SPAG16: variants seen among roughly 807,000 people sequenced by gnomAD.
SPAG16 encodes the protein sperm-associated antigen 16 protein.
A neutral mutation model predicts 80.4 loss-of-function variants in SPAG16; 86 were observed. The observed-to-expected ratio is 1.07, with a 90% CI of 0.90 to 1.28. SPAG16 has a LOEUF of 1.28. Among genes scored for constraint, SPAG16 ranks in the 50% most tolerant of loss-of-function variants. The pLI, the probability that SPAG16 is intolerant of heterozygous loss-of-function variation, is 0.00. For missense variants in SPAG16, 870 were observed against 765.3 expected (o/e 1.14, Z -1.61); for synonymous variants, 294 against 265.9 (o/e 1.11, Z -1.03).
At chr2:214,006,944 T>TC (rs893665649) in intron 12 of SPAG16, among the ~76,000 whole-genome samples, 9 of 151,908 alleles carry the variant, frequency 5.9e-5, no homozygotes, top group African/African-American at 7.3e-5. Flanking sequence ...AATTGCTCCT[T>TC]CCCCCCCACC....
intron 10 of SPAG16, among the ~76,000 whole-genome samples, chr2:213,523,551 T>A (rs2075769862): frequency 6.6e-6 from 1 of 152,162 alleles, no homozygotes; most frequent in African/African-American, 2.4e-5. Flanking sequence ...TAGAAAAATG[T>A]AGGAAAGTTT....
At chr2:214,030,491 G>C (rs2048352612) in intron 13 of SPAG16, among the ~76,000 whole-genome samples, 1 of 152,130 alleles carries the variant, frequency 6.6e-6, no homozygotes, top group African/African-American at 2.4e-5. Context: ...ATTGTAAATA[G>C]ATCTTGTCAA....
chr2:213,826,133 G>A (rs1285623529), intron 10 of SPAG16, among the ~76,000 whole-genome samples: 1 of 151,468 alleles, frequency 6.6e-6, no homozygotes, highest in Non-Finnish European at 1.5e-5. Context: ...TTATTTATTT[G>A]GGTCTTCTCT....
intron 12 of SPAG16, among the ~76,000 whole-genome samples, chr2:213,964,075 T>C (rs961174658): frequency 6.6e-6 from 1 of 152,152 alleles, no homozygotes; most frequent in Non-Finnish European, 1.5e-5. Flanking sequence ...ATAAAAATAT[T>C]GTGGCCAGAG....
At chr2:213,724,962 T>A (rs2066698160) in intron 10 of SPAG16, among the ~76,000 whole-genome samples, 1 of 152,030 alleles carries the variant, frequency 6.6e-6, no homozygotes, top group African/African-American at 2.4e-5. Flanking sequence ...TAGGCCAGTA[T>A]GCACACTCTC....
chr2:213,993,544 G>T (rs1483794990), intron 12 of SPAG16, among the ~76,000 whole-genome samples: 1 of 152,074 alleles, frequency 6.6e-6, no homozygotes, highest in Non-Finnish European at 1.5e-5. Context: ...CCTAGTTCTA[G>T]GTTCAGGCCA....
At chr2:214,270,711 C>T (rs962380351) in intron 15 of SPAG16, among the ~76,000 whole-genome samples, 8 of 152,046 alleles carry the variant, frequency 5.3e-5, no homozygotes, top group Non-Finnish European at 7.4e-5. Flanking sequence ...TGATTAGTCC[C>T]GTGGTTGTCT....
intron 11 of SPAG16, among the ~76,000 whole-genome samples, chr2:213,911,672 A>G (rs562107669): frequency 6.6e-6 from 1 of 152,286 alleles, no homozygotes; most frequent in East Asian, 1.9e-4. Context: ...ACTTAGTGAC[A>G]AACAAAAGGT....
intron 15 of SPAG16, among the ~76,000 whole-genome samples, chr2:214,361,070 G>A (rs1384509932): frequency 6.6e-6 from 1 of 151,774 alleles, no homozygotes; most frequent in Non-Finnish European, 1.5e-5. Context: ...GTGGAGAAGG[G>A]ATTCACAACT....
intron 9 of SPAG16, among the ~76,000 whole-genome samples, chr2:213,392,180 T>C (rs976107589): frequency 6.6e-5 from 10 of 152,244 alleles, no homozygotes; most frequent in African/African-American, 9.6e-5. Context: ...TATGCCATTG[T>C]GTTGTGTTAT....
In SPAG16 at chr2:214,208,492, A is replaced by T. The variant is rs150525967; in HGVS notation, c.1720+59226A>T. Among the ~76,000 whole-genome samples, 952 of 152,252 alleles carry T rather than the reference A, an allele frequency of 6.3e-3. 14 individuals are homozygous for T. The highest frequency in any genetic ancestry group is 0.022 in the African/African-American group (894 of 41,548). ...GGCTTTGAGTGCTGAATCTTTTTCA[A>T]ACTATTTCAGTTGAAGACTTTATTT... On this transcript the variant is annotated intron_variant, in intron 15 of 15. Coordinates refer to ENST00000331683, the MANE Select transcript of SPAG16 (RefSeq NM_024532.5).
In SPAG16 at chr2:213,996,160, G is replaced by A. The variant is rs114514538; in HGVS notation, c.1401-17791G>A. ...GGAAAAAATAGGGGGAAATCACCAG[G>A]AGTATAAATGCAAATTAGTATTTCA... On this transcript the variant is annotated intron_variant, in intron 12 of 15. Coordinates refer to ENST00000331683, the MANE Select transcript of SPAG16 (RefSeq NM_024532.5). 8.8e-3 allele frequency among the ~76,000 whole-genome samples: 1,336 copies of A among 152,266 alleles called. 20 individuals carry two copies. The highest frequency in any genetic ancestry group is 0.03 in the African/African-American group (1,242 of 41,530).
At chr2:213,704,318 C>CT in intron 10 of SPAG16, among the ~76,000 whole-genome samples, 1 of 152,248 alleles carries the variant, frequency 6.6e-6, no homozygotes. Flanking sequence ...TAAGTGTTCA[C>CT]TTTATGTCAG....
At chr2:213,596,812 C>T (rs1031530388) in intron 10 of SPAG16, among the ~76,000 whole-genome samples, 5 of 152,082 alleles carry the variant, frequency 3.3e-5, no homozygotes, top group Admixed American at 6.5e-5. Context: ...TGAAATTAAA[C>T]ACGTTGCCTT....
intron 13 of SPAG16, among the ~76,000 whole-genome samples, chr2:214,096,425 C>T (rs1426849877): frequency 1.3e-5 from 2 of 151,764 alleles, no homozygotes; most frequent in Non-Finnish European, 2.9e-5. Flanking sequence ...AAAAGGAATC[C>T]CCAGAGGGTT....
At chr2:214,292,499 AT>A (rs1331279819) in intron 15 of SPAG16, among the ~76,000 whole-genome samples, 1 of 151,800 alleles carries the variant, frequency 6.6e-6, no homozygotes, top group Non-Finnish European at 1.5e-5. Context: ...CATTTTCAGT[AT>A]TTCTGATTTT....
intron 7 of SPAG16, among the ~76,000 whole-genome samples, chr2:213,355,511 C>G (rs1269372900): frequency 6.6e-6 from 1 of 152,128 alleles, no homozygotes; most frequent in Middle Eastern, 3.2e-3. Flanking sequence ...GAATGTTCTT[C>G]CATTTGTTTG....
intron 10 of SPAG16, among the ~76,000 whole-genome samples, chr2:213,782,463 C>T (rs908515859): frequency 1.3e-5 from 2 of 152,124 alleles, no homozygotes; most frequent in African/African-American, 4.8e-5. Context: ...AACAACTTAA[C>T]ATGATTACTT....
chr2:213,409,555 T>G (rs1195967824), intron 9 of SPAG16, among the ~76,000 whole-genome samples: 1 of 152,184 alleles, frequency 6.6e-6, no homozygotes, highest in Non-Finnish European at 1.5e-5. Context: ...ACTAACCTGC[T>G]CTTTAACAAA....
Sources: allele counts gnomAD v4.1 joint callset (sites outside exome capture counted in the v4.1 genomes callset), GRCh38; gene constraint gnomAD v4.1.1; transcripts MANE v1.5; gene names NCBI Gene and HGNC (gene_info 2026-07-23, HGNC 2026-07-21).